Variants in ATG4B observed in about 807,000 individuals in gnomAD.
ATG4B encodes cysteine protease ATG4B.
ATG4B carries 29 observed loss-of-function variants against 56.6 expected under a neutral mutation model. The ratio of observed to expected loss-of-function variants is 0.51; its 90% CI spans 0.38 to 0.70. The LOEUF (loss-of-function observed/expected upper bound fraction) is 0.70, where lower values mean the gene tolerates loss of function less well. Among genes scored for constraint, ATG4B ranks in the 30% least tolerant of loss-of-function variants. The pLI is 0.00. For missense variants in ATG4B, 461 were observed against 515.5 expected, an observed-to-expected ratio of 0.89 and a Z score of 1.02; for synonymous variants, 224 against 206.1, an observed-to-expected ratio of 1.09 and a Z score of -0.74.
chr2:241,668,361 C>G lies in ATG4B; in HGVS notation c.811+140C>G, dbSNP rs143008414. 16 of 1,358,352 alleles carry G rather than the reference C, an allele frequency of 1.2e-5. No homozygotes were observed. The highest frequency in any genetic ancestry group is 1.6e-5 in the Non-Finnish European group (16 of 978,096). 84.1% of individuals were successfully genotyped at this position (1,358,352 alleles called of 1,614,324 possible). A position where few individuals can be genotyped will look rare whatever the true frequency, so the allele number is the denominator to read the frequency against. ...CCCTGGGGTTCATTTTCAGCCTGGT[C>G]GCGGGCGGCCTCCTGTGTGCCCCTT... On this transcript the variant is annotated intron_variant, in intron 9 of 12. Coordinates refer to ENST00000404914, the MANE Select transcript of ATG4B (RefSeq NM_013325.5). The surrounding 1 kb of genome is among the most constrained non-coding windows in gnomAD (Gnocchi z 4.2).
Position 241,668,505 on chromosome 2 carries a change from G to C in ATG4B, c.812-35G>C. 1 of 1,595,350 alleles carries C rather than the reference G, an allele frequency of 6.3e-7. No individual in the cohort carries two copies. Among genetic ancestry groups the C allele is most frequent in the Non-Finnish European group, 8.5e-7 (1 of 1,175,496 alleles). On this transcript the variant is annotated intron_variant, in intron 9 of 12. Coordinates refer to ENST00000404914, the MANE Select transcript of ATG4B (RefSeq NM_013325.5). This position sits in a 1 kb window ranked among gnomAD's most constrained non-coding sequence, Gnocchi z 4.2. ...CTCTGTCCCTTTCCTCTGCCGGCTC[G>C]GCCACCCACCTGCCCACCTGCCTCA...
In ATG4B at chr2:241,652,895, G is replaced by T. The variant is rs144729225; in HGVS notation, c.185-617G>T. Among the ~76,000 whole-genome samples, 1,215 of 152,324 alleles carry T rather than the reference G, an allele frequency of 8.0e-3. 49 individuals are homozygous for T. The highest frequency in any genetic ancestry group is 0.02 in the East Asian group (102 of 5,178). On this transcript the variant is annotated intron_variant, in intron 3 of 12. Transcript: ENST00000404914. ...CACCCTGGTGTGCAGCCACCTAGCA[G>T]CCTCTTGTCTGCTGCACAGGTGGCC... is the stretch of plus-strand genomic sequence containing the variant.
chr2:241,672,290 T>C lies in ATG4B; in HGVS notation c.*26T>C. ...AAATCCTGGGGTCGGGGGTGGCACC[T>C]GTGAGAGCCTGGGGCTCCTGGTGCC... is the stretch of plus-strand genomic sequence containing the variant. On this transcript the variant is annotated 3_prime_UTR_variant, in exon 13 of 13. Coordinates refer to ENST00000404914, the MANE Select transcript of ATG4B (RefSeq NM_013325.5). The C allele has an allele frequency of 6.5e-7, 1 of 1,537,898 alleles. No individual in the cohort carries two copies. The highest frequency in any genetic ancestry group is 1.2e-5 in the South Asian group (1 of 84,160).
At position 241,673,696 on chromosome 2, in the gene ATG4B, G is replaced by A. The variant is rs570529782; in HGVS notation, c.*1432G>A. 4 of 455,944 alleles carry A rather than the reference G, an allele frequency of 8.8e-6. No homozygotes were observed. The highest frequency in any genetic ancestry group is 6.9e-5 in the East Asian group (1 of 14,394). 28.2% of individuals were successfully genotyped at this position (455,944 alleles called of 1,614,324 possible). A position where few individuals can be genotyped will look rare whatever the true frequency, so the allele number is the denominator to read the frequency against. On this transcript the variant is annotated 3_prime_UTR_variant, in exon 13 of 13. Coordinates refer to ENST00000404914, the MANE Select transcript of ATG4B (RefSeq NM_013325.5). ...TCCACGTCCGAGTTCATGGTGCGCC[G>A]CTGTGCTGGGAGCTGCAGTGGTAAT...
At chr2:241,639,475 C>A (rs1222818281) in intron 1 of ATG4B, among the ~76,000 whole-genome samples, 1 of 152,244 alleles carries the variant, frequency 6.6e-6, no homozygotes, top group African/African-American at 2.4e-5. Flanking sequence ...CCTTTGCCGG[C>A]AGAGGGCCCA....
Position 241,659,189 on chromosome 2 carries a change from TA to T in ATG4B, c.538+4del, listed in dbSNP as rs764336000. ...ACACTGTTGTGATGGAGGAAATCAGTAAGTGGCTCAGAGTTTCCATGGACAA... is the reference window on the plus strand; with the variant it reads ...ACACTGTTGTGATGGAGGAAATCAGTAGTGGCTCAGAGTTTCCATGGACAA... On this transcript the variant is annotated splice_donor_region_variant and intron_variant, in intron 7 of 12. Coordinates refer to ENST00000404914, the MANE Select transcript of ATG4B (RefSeq NM_013325.5). 1 of 1,613,142 alleles carries T rather than the reference TA, an allele frequency of 6.2e-7. No individual in the cohort carries two copies. The highest frequency in any genetic ancestry group is 1.1e-5 in the South Asian group (1 of 91,002).
At position 241,640,836 on chromosome 2, in the gene ATG4B, C is replaced by T. The variant is rs182445715; in HGVS notation, c.10+3112C>T. Among the ~76,000 whole-genome samples the T allele has an allele frequency of 5.4e-3, 818 of 152,196 alleles. 10 individuals carry two copies. The highest frequency in any genetic ancestry group is 0.019 in the African/African-American group (782 of 41,502). On this transcript the variant is annotated intron_variant, in intron 1 of 12. Coordinates refer to ENST00000404914, the MANE Select transcript of ATG4B (RefSeq NM_013325.5). The stretch of plus-strand genomic sequence containing the variant: ...GCTGAGGATAGAAAGGTGACTTAGG[C>T]TCAGTGTAGTGGGGCCTTGCCAGCT...
chr2:241,669,609 G>A (rs1214000901), intron 10 of ATG4B, among the ~76,000 whole-genome samples: 4 of 152,202 alleles, frequency 2.6e-5, no homozygotes, highest in African/African-American at 7.2e-5. Flanking sequence ...CCAGGTTCAC[G>A]CCATTCTCCT....
Position 241,672,209 on chromosome 2 carries a change from G to T in ATG4B, c.1127G>T (p.Arg376Leu). 1 of 1,584,982 alleles carries T rather than the reference G, an allele frequency of 6.3e-7. No homozygotes were observed. The highest frequency in any genetic ancestry group is 1.2e-5 in the South Asian group (1 of 86,696). The part of the protein sequence containing the change: ...NLSLDSSDVE[R>L]LERFFDSEDE... The stretch of plus-strand genomic sequence containing the variant: ...CTTCTAGATTCTTCTGATGTAGAGC[G>T]ACTGGAAAGATTCTTCGACTCAGAA... The change falls in exon 13 of 13, where the codon CGA becomes CTA. Residue 376 changes from arginine to leucine, a missense_variant. Coordinates refer to ENST00000404914, the MANE Select transcript of ATG4B (RefSeq NM_013325.5).
Position 241,668,320 on chromosome 2 carries a change from G to T in ATG4B, c.811+99G>T. ...CCCAGGTGACCACTTGAGGCCACTG[G>T]TGGAAAAGCAGCATGCCCTGGGGTT... On this transcript the variant is annotated intron_variant, in intron 9 of 12. Transcript: ENST00000404914. The surrounding 1 kb of genome is among the most constrained non-coding windows in gnomAD (Gnocchi z 4.2). The T allele has an allele frequency of 1.4e-6, 2 of 1,445,714 alleles. No individual in the cohort carries two copies. Among genetic ancestry groups the T allele is most frequent in the Non-Finnish European group, 1.9e-6 (2 of 1,053,178 alleles). 89.6% of individuals were successfully genotyped at this position (1,445,714 alleles called of 1,614,324 possible). A position where few individuals can be genotyped will look rare whatever the true frequency, so the allele number is the denominator to read the frequency against.
rs1461635984 is a variant in ATG4B at position 241,673,796 on chromosome 2, C to T, written c.*1532C>T. ...AAGGCTTAATGAAGAGAATGTTGTT[C>T]ATTCTTAGTAGTATAGTTTGCAATT... On this transcript the variant is annotated 3_prime_UTR_variant, in exon 13 of 13. Transcript: ENST00000404914. The T allele has an allele frequency of 6.6e-6, 3 of 452,818 alleles. No homozygotes were observed. Among genetic ancestry groups the T allele is most frequent in the Non-Finnish European group, 1.3e-5 (3 of 225,492 alleles). 28.1% of individuals were successfully genotyped at this position (452,818 alleles called of 1,614,324 possible). A position where few individuals can be genotyped will look rare whatever the true frequency, so the allele number is the denominator to read the frequency against.
Position 241,668,387 on chromosome 2 carries a change from TC to T in ATG4B, c.812-150del. On this transcript the variant is annotated intron_variant, in intron 9 of 12. Coordinates refer to ENST00000404914, the MANE Select transcript of ATG4B (RefSeq NM_013325.5). This position sits in a 1 kb window ranked among gnomAD's most constrained non-coding sequence, Gnocchi z 4.2. Reference sequence around the variant, plus strand: ...GCGGGCGGCCTCCTGTGTGCCCCTTTCCCTGATGGTCTGGTGCCCTCGGCTC... The same window carrying T: ...GCGGGCGGCCTCCTGTGTGCCCCTTTCCTGATGGTCTGGTGCCCTCGGCTC... The T allele has an allele frequency of 1.5e-6, 2 of 1,364,640 alleles. 1 individual carries two copies. The highest frequency in any genetic ancestry group is 3.6e-4 in the Middle Eastern group (2 of 5,580). The allele number at this position is 1,364,640 out of a possible 1,614,324, so 84.5% of individuals were successfully genotyped here.
chr2:241,663,842 CTG>C (rs2068668264), intron 7 of ATG4B, among the ~76,000 whole-genome samples: 1 of 148,928 alleles, frequency 6.7e-6, no homozygotes, highest in African/African-American at 2.5e-5. Flanking sequence ...CAGTTCTGCT[CTG>C]TCGCCAGGCT....
intron 6 of ATG4B, among the ~76,000 whole-genome samples, chr2:241,657,445 T>C (rs1054416071): frequency 1.3e-5 from 2 of 151,368 alleles, no homozygotes; most frequent in Non-Finnish European, 2.9e-5. Context: ...GCTGGGATTA[T>C]AGGCACATGC....
chr2:241,668,088 G>A lies in ATG4B; in HGVS notation c.733-55G>A, dbSNP rs938720823. 4.6e-6 allele frequency: 7 copies of A among 1,534,276 alleles called. No homozygotes were observed. In the Admixed American group the frequency reaches 1.4e-4, roughly 30 times the overall value. ...CTTGGGCCCCCTATGGCAGTGGGTGGGGGGACCGTCTGCTCCCACCTGGGA... is the reference window on the plus strand; with the variant it reads ...CTTGGGCCCCCTATGGCAGTGGGTGAGGGGACCGTCTGCTCCCACCTGGGA... On this transcript the variant is annotated intron_variant, in intron 8 of 12. Coordinates refer to ENST00000404914, the MANE Select transcript of ATG4B (RefSeq NM_013325.5). The surrounding 1 kb of genome is among the most constrained non-coding windows in gnomAD (Gnocchi z 4.2).
At position 241,655,509 on chromosome 2, in the gene ATG4B, A is replaced by G. The variant is rs192793166; in HGVS notation, c.458+166A>G. The G allele has an allele frequency of 3.7e-5, 25 of 679,286 alleles. No homozygotes were observed. The East Asian group carries it at 4.4e-4, about 12-fold the overall frequency. 42.1% of individuals were successfully genotyped at this position (679,286 alleles called of 1,614,324 possible). ...ATGACTGTGTTGAGGTCTTGTGAAT[A>G]GGAATTTATGTTTTCTAACAAAATG... On this transcript the variant is annotated intron_variant, in intron 6 of 12. Coordinates refer to ENST00000404914, the MANE Select transcript of ATG4B (RefSeq NM_013325.5).
Position 241,659,073 on chromosome 2 carries a change from A to G in ATG4B, c.459-35A>G, listed in dbSNP as rs201927843. On this transcript the variant is annotated intron_variant, in intron 6 of 12. Coordinates refer to ENST00000404914, the MANE Select transcript of ATG4B (RefSeq NM_013325.5). ...CAAAGATGAACCGTCTTTGAATTGT[A>G]CAAAAGCTTATGGTCATTCTCCTAC... is the stretch of plus-strand genomic sequence containing the variant. 637 of 1,524,260 alleles carry G rather than the reference A, an allele frequency of 4.2e-4. 2 individuals carry two copies. The highest frequency in any genetic ancestry group is 4.7e-4 in the Non-Finnish European group (526 of 1,117,838). 94.4% of individuals were successfully genotyped at this position (1,524,260 alleles called of 1,614,324 possible).
intron 10 of ATG4B, among the ~76,000 whole-genome samples, chr2:241,669,698 G>A (rs952943654): frequency 1.3e-4 from 20 of 152,154 alleles, no homozygotes; most frequent in African/African-American, 4.8e-4. Flanking sequence ...TAATAGAGAC[G>A]GGTTTTCACT....
chr2:241,671,808 C>T, intron 12 of ATG4B: 1 of 1,275,302 alleles, frequency 7.8e-7, no homozygotes, highest in Non-Finnish European at 1.0e-6. Context: ...CAGGAGCCGG[C>T]CTGGGCTCGT....
Sources: allele counts gnomAD v4.1 joint callset (sites outside exome capture counted in the v4.1 genomes callset), GRCh38; gene constraint gnomAD v4.1.1; non-coding constraint Gnocchi (gnomAD v3.1); transcripts MANE v1.5; gene names NCBI Gene and HGNC (gene_info 2026-07-23, HGNC 2026-07-21).